Variants in CPZ observed in about 807,000 individuals in gnomAD.
CPZ encodes the protein carboxypeptidase Z.
CPZ carries 103 observed loss-of-function variants against 61.8 expected under a neutral mutation model. The ratio of observed to expected loss-of-function variants is 1.67; its 90% confidence interval spans 1.42 to 1.96. The LOEUF (loss-of-function observed/expected upper bound fraction) is 1.96. Among genes scored for constraint, CPZ ranks in the 30% most tolerant of loss-of-function variants. The probability of loss-of-function intolerance (pLI) is 0.00; values close to 1 mark genes in which losing one functional copy is unlikely to be tolerated. For missense variants in CPZ, 1,461 were observed against 914.9 expected, an observed-to-expected ratio of 1.60 and a Z score of -7.70; for synonymous variants, 551 against 373.7, an observed-to-expected ratio of 1.47 and a Z score of -5.47.
At chr4:8,619,156 C>T (rs1004055003) in intron 10 of CPZ, 106 bp from the exon 11 acceptor site, 14 of 958,480 alleles carry the variant, frequency 1.5e-5, no homozygotes, top group East Asian at 2.7e-5. Context: ...GCACATTTGG[C>T]GCCTGCCTCC....
rs369705502 is a variant in CPZ, at chr4:8,601,568, G to T, written c.496+71G>T. The T allele has an allele frequency of 2.2e-5, 31 of 1,390,074 alleles. No individual in the cohort carries two copies. In the South Asian group the frequency reaches 4.9e-4, roughly 22 times the overall value. 86.1% of individuals were successfully genotyped at this position (1,390,074 alleles called of 1,614,324 possible). A position where few individuals can be genotyped will look rare whatever the true frequency, so the allele number is the denominator to read the frequency against. ...GTCAAGGAGGACCAAGAGCCACACT[G>T]GAAGGAACTTGAGGGCTTTTCCATC... On this transcript the variant is annotated intron_variant, in intron 3 of 10. Coordinates refer to ENST00000360986, the MANE Select transcript of CPZ (RefSeq NM_001014447.3).
chr4:8,605,510 C>T (rs1714891355), intron 4 of CPZ, among the ~76,000 whole-genome samples: 2 of 152,032 alleles, frequency 1.3e-5, no homozygotes, highest in Admixed American at 1.3e-4. Flanking sequence ...AGCCATTATT[C>T]ACTCATCCAT....
At chr4:8,602,305 C>T (rs1038922063) in intron 3 of CPZ, 1 of 152,294 alleles carries the variant, frequency 6.6e-6, no homozygotes, top group Non-Finnish European at 1.5e-5. Flanking sequence ...CCCGTTAGAC[C>T]TTTCTGTGTA....
rs541092098 is a variant in CPZ at position 8,607,724 on chromosome 4, T to G, written c.1227+299T>G. The stretch of plus-strand genomic sequence containing the variant: ...CCCTGCCTCAGCGCTGCTGTTCCTT[T>G]GAGCTCCGCCCCGCGCCTGGCGGGG... On this transcript the variant is annotated intron_variant, in intron 7 of 10. Transcript: ENST00000360986. Among the ~76,000 whole-genome samples, 17 of 152,260 alleles carry G rather than the reference T, an allele frequency of 1.1e-4. No individual in the cohort carries two copies. The South Asian group carries it at 2.7e-3, about 24-fold the overall frequency.
chr4:8,593,181 G>A (rs1223817098), intron 1 of CPZ, among the ~76,000 whole-genome samples: 2 of 152,212 alleles, frequency 1.3e-5, no homozygotes, highest in African/African-American at 2.4e-5. Flanking sequence ...GCCTGGGCCG[G>A]GGGGTGAGAT....
chr4:8,601,736 C>G (rs1405591351), intron 3 of CPZ, among the ~76,000 whole-genome samples: 1 of 152,176 alleles, frequency 6.6e-6, no homozygotes, highest in Non-Finnish European at 1.5e-5. Context: ...GCAGAAGTCT[C>G]CAGCCCCTTA....
At chr4:8,606,646 C>A in intron 5 of CPZ, 91 bp from the exon 6 acceptor site, 1 of 1,528,050 alleles carries the variant, frequency 6.5e-7, no homozygotes, top group Non-Finnish European at 9.0e-7. Context: ...CAGCCCCTGG[C>A]CTTGACCCTC....
intron 7 of CPZ, among the ~76,000 whole-genome samples, chr4:8,610,026 G>C (rs539292460): frequency 6.6e-6 from 1 of 152,312 alleles, no homozygotes; most frequent in Admixed American, 6.5e-5. Flanking sequence ...CCCTTTGCCC[G>C]AATCCTGCTC....
chr4:8,608,277 C>A (rs1009503806), intron 7 of CPZ, among the ~76,000 whole-genome samples: 1 of 152,278 alleles, frequency 6.6e-6, no homozygotes, highest in Middle Eastern at 3.4e-3. Flanking sequence ...CCAGGCTTCG[C>A]GTGGAGAGCC....
intron 1 of CPZ, among the ~76,000 whole-genome samples, chr4:8,594,773 TTC>T (rs1325465761): frequency 8.7e-5 from 5 of 57,260 alleles, no homozygotes; most frequent in African/African-American, 3.5e-4. Flanking sequence ...TAATAACAAA[TTC>T]TTTTTTTTTT....
At chr4:8,610,063 T>G (rs879296459) in intron 7 of CPZ, among the ~76,000 whole-genome samples, 3 of 152,186 alleles carry the variant, frequency 2.0e-5, no homozygotes, top group Admixed American at 2.0e-4. Flanking sequence ...GCCAACCCCT[T>G]TCTGGCTTTG....
intron 7 of CPZ, among the ~76,000 whole-genome samples, chr4:8,609,073 C>T (rs1399404738): frequency 1.0e-4 from 5 of 47,814 alleles, no homozygotes; most frequent in South Asian, 1.2e-3. Context: ...CCTCACTCAC[C>T]ACTCATACAT....
At chr4:8,595,052 G>A (rs1002248083) in intron 1 of CPZ, among the ~76,000 whole-genome samples, 2 of 152,220 alleles carry the variant, frequency 1.3e-5, no homozygotes, top group African/African-American at 2.4e-5. Context: ...GATTACAGGC[G>A]TGAGCCACCA....
chr4:8,599,685 C>A (rs929748172), intron 2 of CPZ, 200 bp downstream of exon 2: 1 of 1,392,384 alleles, frequency 7.2e-7, no homozygotes, highest in Non-Finnish European at 9.5e-7. Flanking sequence ...GGAAAAGGTG[C>A]ACCAGCTTCC....
At chr4:8,616,706 G>A (rs915755739) in intron 9 of CPZ, among the ~76,000 whole-genome samples, 8 of 152,194 alleles carry the variant, frequency 5.3e-5, no homozygotes, top group Non-Finnish European at 1.0e-4. Flanking sequence ...TGGCTGAGGG[G>A]CATGGTGGCT....
Position 8,606,857 on chromosome 4 carries a change from A to G in CPZ, c.1027A>G (p.Ser343Gly), listed in dbSNP as rs1395003434. 1.2e-6 allele frequency: 2 copies of G among 1,613,288 alleles called. No individual in the cohort carries two copies. The highest frequency in any genetic ancestry group is 1.6e-4 in the Middle Eastern group (1 of 6,062). Reference sequence around the variant, plus strand: ...GCTGGCGGAGACCCGCGGCGCACGCAGCGACCACATCCCCATCCCCCAGCA... The same window carrying G: ...GCTGGCGGAGACCCGCGGCGCACGCGGCGACCACATCCCCATCCCCCAGCA... ...YRLAETRGAR[S>G]DHIPIPQHYW... is the part of the protein sequence containing the mutation. The change falls in exon 6 of 11, where the codon AGC (serine) becomes GGC (glycine). Residue 343 changes from serine to glycine, a missense_variant. By Grantham distance (56) the Ser-to-Gly change is moderately conservative (BLOSUM62 0). Coordinates refer to ENST00000360986, the MANE Select transcript of CPZ (RefSeq NM_001014447.3).
Position 8,619,698 on chromosome 4 carries a change from C to A in CPZ, c.*81C>A. ...GGCTCCTGGCTCTTGATTTTGTCTGCCACAGACATCCCACAAAGCCGCTGC... is the reference window on the plus strand; with the variant it reads ...GGCTCCTGGCTCTTGATTTTGTCTGACACAGACATCCCACAAAGCCGCTGC... On this transcript the variant is annotated 3_prime_UTR_variant, in exon 11 of 11. Coordinates refer to ENST00000360986, the MANE Select transcript of CPZ (RefSeq NM_001014447.3). 1.9e-6 allele frequency: 2 copies of A among 1,057,790 alleles called. No individual in the cohort carries two copies. The highest frequency in any genetic ancestry group is 2.6e-6 in the Non-Finnish European group (2 of 765,468). The allele number at this position is 1,057,790 out of a possible 1,614,324, so 65.5% of individuals were successfully genotyped here. A position where few individuals can be genotyped will look rare whatever the true frequency, so the allele number is the denominator to read the frequency against.
chr4:8,608,328 G>A (rs529322937), intron 7 of CPZ, among the ~76,000 whole-genome samples: 1 of 152,168 alleles, frequency 6.6e-6, no homozygotes, highest in African/African-American at 2.4e-5. Context: ...TTCCCTTGGT[G>A]TTTGGGGGAA....
rs34964084 is a variant in CPZ, at chr4:8,592,850, C to T, written c.17C>T (p.Pro6Leu). ...CGCCCCACCATGCCGCCCCCGCTGC[C>T]GCTGCTGCTCCTTACAGTCCTGGTC... MPPPL[P>L]LLLLTVLVVA... The change falls in exon 1 of 11, where the codon CCG becomes CTG. Residue 6 changes from proline to leucine, a missense_variant. Transcript: ENST00000360986. 333,398 of 1,482,590 alleles carry T rather than the reference C, an allele frequency of 0.22. 40,461 individuals are homozygous for T. The highest frequency in any genetic ancestry group is 0.25 in the Non-Finnish European group (275,237 of 1,122,402). The allele number at this position is 1,482,590 out of a possible 1,614,324, so 91.8% of individuals were successfully genotyped here.
Sources: gnomAD v4.1 joint callset for allele counts (sites outside exome capture counted in the v4.1 genomes callset) on GRCh38, gnomAD v4.1.1 for gene constraint, MANE v1.5 for transcripts, NCBI Gene and HGNC (gene_info 2026-07-23, HGNC 2026-07-21) for gene names.